PEBP4: variants seen among roughly 807,000 people sequenced by gnomAD.
The protein encoded by PEBP4 is phosphatidylethanolamine binding protein 4, also known as phosphatidylethanolamine-binding protein 4.
In PEBP4, 22 loss-of-function variants were observed where a neutral mutation model predicts 23.9. The observed-to-expected ratio is 0.92, with a 90% CI of 0.66 to 1.31. The LOEUF is 1.31. Ranked by LOEUF, PEBP4 falls within the 40% of genes most tolerant of loss-of-function variation. PEBP4 has a pLI of 0.00. For synonymous variants in PEBP4, 112 were observed against 99.3 expected, an observed-to-expected ratio of 1.13 and a Z score of -0.76; for missense variants, 324 against 281.7, an observed-to-expected ratio of 1.15 and a Z score of -1.07.
intron 3 of PEBP4, among the ~76,000 whole-genome samples, chr8:22,875,248 T>C (rs1199990604): frequency 6.6e-6 from 1 of 152,168 alleles, no homozygotes; most frequent in East Asian, 1.9e-4. Context: ...TCTCTAATCT[T>C]GAAATCGCAT....
intron 6 of PEBP4, among the ~76,000 whole-genome samples, chr8:22,719,965 G>A (rs1355888812): frequency 6.6e-6 from 1 of 152,228 alleles, no homozygotes; most frequent in Non-Finnish European, 1.5e-5. Context: ...TTGCAAATGT[G>A]GGGGTGTGAG....
intron 1 of PEBP4, among the ~76,000 whole-genome samples, chr8:22,935,756 T>G (rs530090344): frequency 6.6e-6 from 1 of 152,260 alleles, no homozygotes; most frequent in East Asian, 1.9e-4. Context: ...AATTTCATGT[T>G]TAGACTTAGG....
Position 22,857,319 on chromosome 8 carries a change from G to GA in PEBP4, c.259-39585dup, listed in dbSNP as rs527371407. Among the ~76,000 whole-genome samples, 311 of 152,038 alleles carry GA rather than the reference G, an allele frequency of 2.0e-3. 1 individual carries two copies. Among genetic ancestry groups the GA allele is most frequent in the African/African-American group, 7.1e-3 (294 of 41,406 alleles). On this transcript the variant is annotated intron_variant, in intron 3 of 6. Transcript: ENST00000256404. ...TTAATATCCTGAGGCAGTTTACAGA[G>GA]AAAGCATCTATACCATACGGGGCTC...
intron 3 of PEBP4, chr8:22,884,658 C>T (rs1163616192): frequency 6.6e-6 from 1 of 152,220 alleles, no homozygotes; most frequent in Non-Finnish European, 1.5e-5. Flanking sequence ...AGGGCCATTT[C>T]CCCCAGCCCG....
chr8:22,723,300 G>T (rs1030702105), intron 6 of PEBP4, among the ~76,000 whole-genome samples: 1 of 152,164 alleles, frequency 6.6e-6, no homozygotes, highest in Non-Finnish European at 1.5e-5. Context: ...TGGAGGACAG[G>T]CTGTGGTCGA....
At chr8:22,894,775 C>A (rs1808559503) in intron 3 of PEBP4, among the ~76,000 whole-genome samples, 1 of 152,126 alleles carries the variant, frequency 6.6e-6, no homozygotes, top group Non-Finnish European at 1.5e-5. Context: ...CTCATCAGGT[C>A]TCTTATGGGA....
chr8:22,798,041 A>G (rs567531289), intron 4 of PEBP4, among the ~76,000 whole-genome samples: 13 of 152,312 alleles, frequency 8.5e-5, no homozygotes, highest in African/African-American at 3.1e-4. Flanking sequence ...ATTGTGTGGC[A>G]CAGACTGAGT....
chr8:22,869,008 A>T (rs992972285), intron 3 of PEBP4, among the ~76,000 whole-genome samples: 1 of 152,020 alleles, frequency 6.6e-6, no homozygotes, highest in African/African-American at 2.4e-5. Flanking sequence ...CCCCAAAATC[A>T]TCCTACATCT....
intron 3 of PEBP4, among the ~76,000 whole-genome samples, chr8:22,915,291 C>A (rs1809049198): frequency 6.6e-6 from 1 of 152,142 alleles, no homozygotes; most frequent in South Asian, 2.1e-4. Flanking sequence ...TCTCCTCCCC[C>A]AGCCACCAGC....
intron 4 of PEBP4, among the ~76,000 whole-genome samples, chr8:22,792,008 C>A (rs1428087334): frequency 6.6e-6 from 1 of 151,122 alleles, no homozygotes; most frequent in Non-Finnish European, 1.5e-5. Flanking sequence ...AGGCACACAC[C>A]ACCACGCCTG....
intron 4 of PEBP4, 85 bp downstream of exon 4, chr8:22,817,552 T>A: frequency 7.8e-7 from 1 of 1,289,222 alleles, no homozygotes; most frequent in Middle Eastern, 1.8e-4. Flanking sequence ...CCAACCTTCC[T>A]GGATGAGAGG....
chr8:22,804,278 C>T (rs189153388), intron 4 of PEBP4, among the ~76,000 whole-genome samples: 23 of 152,218 alleles, frequency 1.5e-4, no homozygotes, highest in African/African-American at 5.5e-4. Flanking sequence ...CTGCAGTGAG[C>T]TATGACTGCA....
intron 1 of PEBP4, among the ~76,000 whole-genome samples, chr8:22,940,142 A>G (rs903336180): frequency 1.3e-5 from 2 of 152,180 alleles, no homozygotes; most frequent in Non-Finnish European, 2.9e-5. Context: ...CTTTGCAGGG[A>G]CAGAGTCAAT....
chr8:22,866,996 G>C (rs1807917469), intron 3 of PEBP4, among the ~76,000 whole-genome samples: 1 of 152,012 alleles, frequency 6.6e-6, no homozygotes. Context: ...ATAGAGGCGG[G>C]TTGAAGAAAT....
At chr8:22,929,900 C>G (rs1177003906), upstream of PEBP4, among the ~76,000 whole-genome samples, 1 of 152,118 alleles carries the variant, frequency 6.6e-6, no homozygotes, top group Non-Finnish European at 1.5e-5. Flanking sequence ...GAGACGGGGT[C>G]TTGCATTGTT....
At chr8:22,717,390 C>T (rs1322758975) in intron 6 of PEBP4, among the ~76,000 whole-genome samples, 2 of 152,226 alleles carry the variant, frequency 1.3e-5, no homozygotes, top group African/African-American at 4.8e-5. Context: ...CTGGGTGACC[C>T]TGCTGTAGCC....
intron 3 of PEBP4, among the ~76,000 whole-genome samples, chr8:22,849,028 G>A (rs1452168826): frequency 1.3e-5 from 2 of 152,134 alleles, no homozygotes; most frequent in Non-Finnish European, 2.9e-5. Context: ...GGAGCAAGAG[G>A]GCAACCCCCA....
intron 4 of PEBP4, among the ~76,000 whole-genome samples, chr8:22,760,881 T>G (rs1271114653): frequency 2.0e-5 from 3 of 152,310 alleles, no homozygotes; most frequent in Non-Finnish European, 4.4e-5. Context: ...CAGGTGACCT[T>G]GAACGTGTCT....
intron 3 of PEBP4, among the ~76,000 whole-genome samples, chr8:22,869,100 C>G (rs1807959912): frequency 6.6e-6 from 1 of 152,186 alleles, no homozygotes; most frequent in African/African-American, 2.4e-5. Flanking sequence ...TGCCTCATGG[C>G]CTTTGTACTG....
Sources: allele counts gnomAD v4.1 joint callset (sites outside exome capture counted in the v4.1 genomes callset), GRCh38; gene constraint gnomAD v4.1.1; transcripts MANE v1.5; gene names NCBI Gene and HGNC (gene_info 2026-07-23, HGNC 2026-07-21).